The following POLN variants were observed in gnomAD, a reference collection of about 807,000 sequenced individuals.
POLN encodes the protein DNA polymerase nu, also known as DNA polymerase N.
A neutral mutation model predicts 113.5 loss-of-function variants in POLN; 108 were observed. That is an observed-to-expected ratio of 0.95 (90% CI 0.81 to 1.12). The LOEUF (loss-of-function observed/expected upper bound fraction) is 1.12, where lower values mean the gene tolerates loss of function less well. POLN is among the 50% of genes most tolerant of loss of function. The pLI is 0.00. For missense variants in POLN, 1,097 were observed against 1,077.1 expected, an observed-to-expected ratio of 1.02 and a Z score of -0.26; for synonymous variants, 386 against 391.5, an observed-to-expected ratio of 0.99 and a Z score of 0.17.
intron 16 of POLN, among the ~76,000 whole-genome samples, chr4:2,153,825 C>T (rs1287654239): frequency 1.3e-5 from 2 of 151,922 alleles, no homozygotes; most frequent in African/African-American, 4.8e-5. Flanking sequence ...ACCTTGTGAT[C>T]CACCCACCTC....
chr4:2,123,638 A>AG (rs1343154589), intron 19 of POLN, among the ~76,000 whole-genome samples: 2 of 150,512 alleles, frequency 1.3e-5, no homozygotes, highest in African/African-American at 2.4e-5. Flanking sequence ...AAAAAAAAAA[A>AG]AAAAAAAGAA....
At chr4:2,176,458 G>C (rs35122368) in intron 8 of POLN, 124 bp from the exon 9 acceptor site, 1 of 695,978 alleles carries the variant, frequency 1.4e-6, no homozygotes, top group Non-Finnish European at 2.3e-6. Context: ...TTCAATGGCA[G>C]ATGTCATGTA....
At chr4:2,172,888 T>C (rs1732898795) in intron 11 of POLN, among the ~76,000 whole-genome samples, 1 of 152,122 alleles carries the variant, frequency 6.6e-6, no homozygotes, top group African/African-American at 2.4e-5. Flanking sequence ...CGACTGCCAC[T>C]TGGAAACAAC....
intron 13 of POLN, among the ~76,000 whole-genome samples, chr4:2,161,977 A>C (rs1732605737): frequency 6.6e-6 from 1 of 152,142 alleles, no homozygotes; most frequent in Non-Finnish European, 1.5e-5. Flanking sequence ...CTTTGTGTCT[A>C]GCTCAGGGAT....
At chr4:2,183,632 C>A (rs886534227) in intron 7 of POLN, among the ~76,000 whole-genome samples, 4 of 152,038 alleles carry the variant, frequency 2.6e-5, no homozygotes, top group East Asian at 1.9e-4. Flanking sequence ...AGACAAAAAA[C>A]CACAGATTAG....
chr4:2,076,186 G>T (rs1389848954), intron 23 of POLN, among the ~76,000 whole-genome samples: 1 of 152,180 alleles, frequency 6.6e-6, no homozygotes, highest in Non-Finnish European at 1.5e-5. Flanking sequence ...CCAGGGGCAG[G>T]TCCCTGGGGT....
At chr4:2,164,007 T>A (rs1035803722) in intron 13 of POLN, among the ~76,000 whole-genome samples, 7 of 152,214 alleles carry the variant, frequency 4.6e-5, no homozygotes, top group African/African-American at 7.2e-5. Flanking sequence ...TTTGCCCAAG[T>A]GCACAACTCA....
chr4:2,174,295 C>T (rs1175100084), intron 10 of POLN, among the ~76,000 whole-genome samples: 3 of 152,230 alleles, frequency 2.0e-5, no homozygotes, highest in South Asian at 2.1e-4. Flanking sequence ...CCCTGGCTGA[C>T]GTGGTGCCCA....
In POLN at chr4:2,176,291, G is replaced by GT. The variant is rs1465081740; in HGVS notation, c.1222dup (p.Thr408AsnfsTer7). On this transcript the variant is annotated frameshift_variant, in exon 9 of 26. Coordinates refer to ENST00000511885, the MANE Select transcript of POLN (RefSeq NM_181808.4). LOFTEE classifies it high-confidence loss of function. ...CTTCAGTTTAGAGCAAAGGTCCATT[G>GT]TAAGTCTGTAGAGTGTCTTCAGGTT... is the stretch of plus-strand genomic sequence containing the variant. The GT allele has an allele frequency of 3.7e-6, 6 of 1,603,830 alleles. No individual in the cohort carries two copies. The African/African-American group carries it at 8.1e-5, about 22-fold the overall frequency.
rs1164483185 is a variant in POLN, at chr4:2,095,064, T to C, written c.2065+787A>G. ...GAAACTAGGCCATGCTGATTCAGCA[T>C]GACCCAGGGCCAGAAAAGAATTAAA... On this transcript the variant is annotated intron_variant, in intron 20 of 25. Transcript: ENST00000511885. Among the ~76,000 whole-genome samples, 6 of 152,086 alleles carry C rather than the reference T, an allele frequency of 3.9e-5. No individual in the cohort carries two copies. In the East Asian group the frequency reaches 1.2e-3, roughly 29 times the overall value.
At chr4:2,225,484 G>A (rs891071212) in intron 3 of POLN, among the ~76,000 whole-genome samples, 1 of 151,724 alleles carries the variant, frequency 6.6e-6, no homozygotes, top group African/African-American at 2.4e-5. Flanking sequence ...GAACCCAGGA[G>A]GGGGGGTTGC....
At chr4:2,080,674 G>A (rs1045698060) in intron 23 of POLN, 59 of 1,334,454 alleles carry the variant, frequency 4.4e-5, no homozygotes, top group Non-Finnish European at 5.1e-5. Flanking sequence ...AGCCTCAAGG[G>A]GTGCCCCTGT....
chr4:2,131,324 T>C, intron 16 of POLN, 34 bp from the exon 17 acceptor site: 6 of 1,384,836 alleles, frequency 4.3e-6, no homozygotes, highest in Non-Finnish European at 5.1e-6. Flanking sequence ...TTAGTTAAAA[T>C]ATCTACTCTT....
intron 20 of POLN, among the ~76,000 whole-genome samples, chr4:2,095,336 A>G (rs1394373703): frequency 1.3e-5 from 2 of 151,936 alleles, no homozygotes; most frequent in African/African-American, 2.4e-5. Context: ...CCTATCTGCT[A>G]CCCCTGAGAT....
In POLN at chr4:2,114,343, C is replaced by T. The variant is rs137858302; in HGVS notation, c.1982+13770G>A. The stretch of plus-strand genomic sequence containing the variant: ...TTTACCCATTCTGGTGCTCTTTCTT[C>T]CTGAAGATCCAGGGTTTTATGTGGT... On this transcript the variant is annotated intron_variant, in intron 19 of 25. Coordinates refer to ENST00000511885, the MANE Select transcript of POLN (RefSeq NM_181808.4). Among the ~76,000 whole-genome samples, 861 of 152,206 alleles carry T rather than the reference C, an allele frequency of 5.7e-3. 10 individuals carry two copies. The highest frequency in any genetic ancestry group is 0.02 in the African/African-American group (822 of 41,514).
chr4:2,161,953 G>A (rs1190231089), intron 13 of POLN, among the ~76,000 whole-genome samples: 3 of 152,064 alleles, frequency 2.0e-5, no homozygotes, highest in Non-Finnish European at 2.9e-5. Context: ...TAATCTGGTG[G>A]GGATATGGAG....
chr4:2,151,054 C>A (rs1213701494), intron 16 of POLN, among the ~76,000 whole-genome samples: 1 of 152,200 alleles, frequency 6.6e-6, no homozygotes, highest in African/African-American at 2.4e-5. Context: ...AAGAAAATAT[C>A]TGCCAAGAAT....
At chr4:2,228,995 C>T in intron 3 of POLN, 104 bp downstream of exon 3, 1 of 1,159,182 alleles carries the variant, frequency 8.6e-7, no homozygotes, top group Admixed American at 2.5e-5. Context: ...GGGGCGGGAG[C>T]TGGGCTTCAT....
chr4:2,198,776 T>C (rs1733643489), intron 5 of POLN, 59 bp from the exon 6 acceptor site: 3 of 1,421,576 alleles, frequency 2.1e-6, no homozygotes, highest in Admixed American at 2.4e-5. Flanking sequence ...TAGAAAGACA[T>C]ACATTTTAAA....
Sources: allele counts gnomAD v4.1 joint callset (sites outside exome capture counted in the v4.1 genomes callset), GRCh38; gene constraint gnomAD v4.1.1; transcripts MANE v1.5; gene names NCBI Gene and HGNC (gene_info 2026-07-23, HGNC 2026-07-21).